Variants in ADGRB3 observed in about 807,000 individuals in gnomAD.
The protein encoded by ADGRB3 is brain-specific angiogenesis inhibitor 3.
ADGRB3 carries 37 observed loss-of-function variants against 193.4 expected under a neutral mutation model. The ratio of observed to expected loss-of-function variants is 0.19; its 90% CI spans 0.15 to 0.25. ADGRB3 has a LOEUF of 0.25. ADGRB3 is among the 10% of genes least tolerant of loss of function. ADGRB3 has a pLI of 1.00. For missense variants in ADGRB3, 1,637 were observed against 1,852.9 expected (o/e 0.88, Z 2.14); for synonymous variants, 690 against 644.2 (o/e 1.07, Z -1.08).
chr6:69,354,958 G>A (rs1769308030), intron 27 of ADGRB3, among the ~76,000 whole-genome samples: 1 of 152,032 alleles, frequency 6.6e-6, no homozygotes, highest in South Asian at 2.1e-4. Flanking sequence ...TTTAAAGCAG[G>A]AATTAAATAG....
chr6:68,680,316 AAAG>A (rs2127297853), intron 3 of ADGRB3, among the ~76,000 whole-genome samples: 1 of 152,312 alleles, frequency 6.6e-6, no homozygotes, highest in Non-Finnish European at 1.5e-5. Flanking sequence ...ACAGAAAAAA[AAAG>A]AAGAAAGCAG....
chr6:69,050,467 A>G (rs2150302760), intron 15 of ADGRB3, among the ~76,000 whole-genome samples: 1 of 152,324 alleles, frequency 6.6e-6, no homozygotes, highest in South Asian at 2.1e-4. Context: ...TGTTTTGCTA[A>G]GAAAAAAGTT....
intron 17 of ADGRB3, among the ~76,000 whole-genome samples, chr6:69,156,214 T>C (rs1310354868): frequency 6.6e-6 from 1 of 152,160 alleles, no homozygotes; most frequent in Admixed American, 6.5e-5. Flanking sequence ...CTCGAATTAA[T>C]TAGCAAGATA....
chr6:68,788,195 A>G (rs1767017666), intron 3 of ADGRB3, among the ~76,000 whole-genome samples: 1 of 152,114 alleles, frequency 6.6e-6, no homozygotes, highest in Non-Finnish European at 1.5e-5. Flanking sequence ...GCCTTCTGCT[A>G]GCTTTTGAAT....
At chr6:68,996,698 G>A (rs1313732518) in intron 11 of ADGRB3, among the ~76,000 whole-genome samples, 1 of 152,086 alleles carries the variant, frequency 6.6e-6, no homozygotes, top group Non-Finnish European at 1.5e-5. Context: ...GGTCTTATGG[G>A]CCTGTGAACT....
chr6:68,957,548 C>G (rs73465372), intron 8 of ADGRB3, among the ~76,000 whole-genome samples: 4 of 152,144 alleles, frequency 2.6e-5, no homozygotes, highest in African/African-American at 9.7e-5. Context: ...TGCCAACGTG[C>G]TGAACCTAGA....
At chr6:69,307,437 A>G (rs980329255) in intron 20 of ADGRB3, among the ~76,000 whole-genome samples, 35 of 151,588 alleles carry the variant, frequency 2.3e-4, no homozygotes, top group Non-Finnish European at 3.2e-4. Context: ...CTTTTGACTA[A>G]TTTCAATATT....
chr6:68,742,797 G>A (rs1766005438), intron 3 of ADGRB3, among the ~76,000 whole-genome samples: 1 of 151,916 alleles, frequency 6.6e-6, no homozygotes, highest in African/African-American at 2.4e-5. Context: ...TCCTCAAAAA[G>A]GAAAATAAAC....
At chr6:68,963,406 G>T (rs1356939284) in intron 8 of ADGRB3, among the ~76,000 whole-genome samples, 1 of 151,926 alleles carries the variant, frequency 6.6e-6, no homozygotes, top group Non-Finnish European at 1.5e-5. Context: ...TTATAGCCTT[G>T]TTCTTATGAC....
intron 17 of ADGRB3, among the ~76,000 whole-genome samples, chr6:69,162,048 A>G (rs895343717): frequency 2.6e-5 from 4 of 152,096 alleles, no homozygotes; most frequent in Non-Finnish European, 5.9e-5. Context: ...AAGGGGTTCG[A>G]TAAGATGTGA....
chr6:69,200,513 G>A (rs1463921322), intron 17 of ADGRB3, among the ~76,000 whole-genome samples: 1 of 152,058 alleles, frequency 6.6e-6, no homozygotes, highest in Non-Finnish European at 1.5e-5. Flanking sequence ...GAGACAAAAT[G>A]GTGAGTGTCA....
intron 3 of ADGRB3, among the ~76,000 whole-genome samples, chr6:68,798,987 G>T (rs1043368871): frequency 6.6e-6 from 1 of 152,176 alleles, no homozygotes; most frequent in African/African-American, 2.4e-5. Flanking sequence ...TGATTGCTTA[G>T]ATTTCACCCT....
At chr6:68,689,977 C>G (rs1334966595) in intron 3 of ADGRB3, among the ~76,000 whole-genome samples, 1 of 152,124 alleles carries the variant, frequency 6.6e-6, no homozygotes, top group Non-Finnish European at 1.5e-5. Flanking sequence ...TCAATAACTT[C>G]CTGGAAACCA....
At chr6:69,330,830 A>G (rs1227658141) in intron 23 of ADGRB3, among the ~76,000 whole-genome samples, 1 of 152,164 alleles carries the variant, frequency 6.6e-6, no homozygotes, top group Admixed American at 6.5e-5. Context: ...AAAAAGTTTG[A>G]GTAAGTTTTA....
chr6:68,820,207 TTC>T (rs1172493643), intron 3 of ADGRB3, among the ~76,000 whole-genome samples: 3 of 152,036 alleles, frequency 2.0e-5, no homozygotes, highest in African/African-American at 7.2e-5. Context: ...TGCTCATGTT[TTC>T]TCTCTTTACA....
At chr6:68,970,533 C>T (rs906349081) in intron 8 of ADGRB3, among the ~76,000 whole-genome samples, 1 of 152,054 alleles carries the variant, frequency 6.6e-6, no homozygotes. Context: ...GTCTTGAACT[C>T]CTGACCTCAT....
intron 10 of ADGRB3, among the ~76,000 whole-genome samples, chr6:68,987,449 C>T (rs1312396316): frequency 6.6e-6 from 1 of 152,054 alleles, no homozygotes; most frequent in South Asian, 2.1e-4. Context: ...TTTGTTTCTT[C>T]ATATGAAAAA....
intron 3 of ADGRB3, among the ~76,000 whole-genome samples, chr6:68,695,437 AG>A (rs905758274): frequency 2.0e-5 from 3 of 152,070 alleles, no homozygotes; most frequent in African/African-American, 7.2e-5. Context: ...GGGAGAAAAG[AG>A]GGGAACAAAT....
chr6:69,237,195 C>G (rs62406851), intron 19 of ADGRB3, among the ~76,000 whole-genome samples: 21,498 of 151,932 alleles, frequency 0.14, 1,583 homozygotes, highest in Middle Eastern at 0.16. Flanking sequence ...ATATTGTGTA[C>G]TGTATAATAT....
Sources: gnomAD v4.1 joint callset for allele counts (sites outside exome capture counted in the v4.1 genomes callset) on GRCh38, gnomAD v4.1.1 for gene constraint, MANE v1.5 for transcripts, NCBI Gene and HGNC (gene_info 2026-07-23, HGNC 2026-07-21) for gene names.